Variants in SLC17A3 observed in about 807,000 individuals in gnomAD.
SLC17A3 encodes the protein solute carrier family 17 member 3, also known as sodium-dependent phosphate transport protein 4.
SLC17A3 carries 61 observed loss-of-function variants against 60.3 expected under a neutral mutation model. The ratio of observed to expected loss-of-function variants is 1.01; its 90% confidence interval spans 0.82 to 1.25. The LOEUF is 1.25. Among genes scored for constraint, SLC17A3 ranks in the 50% most tolerant of loss-of-function variants. The pLI is 0.00. For synonymous variants in SLC17A3, 192 were observed against 208.9 expected (o/e 0.92, Z 0.70); for missense variants, 624 against 594.9 (o/e 1.05, Z -0.51).
intron 2 of SLC17A3, among the ~76,000 whole-genome samples, chr6:25,863,005 A>T (rs1765477337): frequency 6.6e-6 from 1 of 151,946 alleles, no homozygotes. Context: ...CACTTTGAAG[A>T]GAGTTGTCCA....
In SLC17A3 at chr6:25,862,454, T is replaced by A; in HGVS notation, c.92-10A>T. 1 of 1,601,648 alleles carries A rather than the reference T, an allele frequency of 6.2e-7. No individual in the cohort carries two copies. Among genetic ancestry groups the A allele is most frequent in the Non-Finnish European group, 8.6e-7 (1 of 1,168,702 alleles). ...GAACATAAACTTGGAACTGGAAATA[T>A]TATGACATCATATTAGTGTTTTTTA... On this transcript the variant is annotated splice_polypyrimidine_tract_variant and intron_variant, in intron 2 of 12. Transcript: ENST00000397060.
chr6:25,864,785 G>T (rs1765509057), intron 2 of SLC17A3, among the ~76,000 whole-genome samples: 1 of 151,968 alleles, frequency 6.6e-6, no homozygotes, highest in South Asian at 2.1e-4. Flanking sequence ...GCATAACATT[G>T]GGAGTTAATA....
intron 6 of SLC17A3, among the ~76,000 whole-genome samples, chr6:25,853,097 C>T (rs2151520659): frequency 6.6e-6 from 1 of 152,238 alleles, no homozygotes; most frequent in East Asian, 1.9e-4. Flanking sequence ...CATCCAGTGA[C>T]CCATGAATTA....
chr6:25,849,324 G>T, intron 11 of SLC17A3, 50 bp downstream of exon 11: 1 of 1,041,146 alleles, frequency 9.6e-7, no homozygotes, highest in Non-Finnish European at 1.5e-6. Context: ...ACCTTTATAA[G>T]TGGATTTAGC....
chr6:25,856,815 C>T (rs1000897723), intron 5 of SLC17A3, among the ~76,000 whole-genome samples: 5 of 149,514 alleles, frequency 3.3e-5, no homozygotes, highest in African/African-American at 1.2e-4. Context: ...CCACTGCACT[C>T]CAGCCTGGGC....
intron 6 of SLC17A3, 74 bp downstream of exon 6, chr6:25,855,070 T>A (rs1305424730): frequency 1.0e-6 from 1 of 976,342 alleles, no homozygotes. Context: ...TTTGGAAAAC[T>A]ATACACAAAA....
intron 2 of SLC17A3, among the ~76,000 whole-genome samples, chr6:25,865,822 T>C (rs1765524828): frequency 6.6e-6 from 1 of 151,990 alleles, no homozygotes; most frequent in Non-Finnish European, 1.5e-5. Context: ...CCCCTAGCTA[T>C]ACAAGAATGT....
intron 5 of SLC17A3, among the ~76,000 whole-genome samples, chr6:25,860,217 T>C (rs1011506340): frequency 9.2e-5 from 14 of 152,194 alleles, no homozygotes; most frequent in Non-Finnish European, 1.5e-4. Context: ...TTTGGTCTGC[T>C]CAGTCCCTTA....
chr6:25,855,197 A>C lies in SLC17A3; in HGVS notation c.659T>G (p.Ile220Arg). Reference protein sequence around the residue: ...MLLGCFTAILIGGFISETLGW... With the variant: ...MLLGCFTAILRGGFISETLGW... ...AAGGGTTTCACTAATGAAGCCACCT[A>C]TGAGGATGGCAGTAAAGCATCCCAG... Residue 220 changes from isoleucine (I) to arginine (R), a missense_variant, in exon 6 of 13, where the codon ATA becomes AGA. By Grantham distance (97) the Ile-to-Arg change is moderately conservative. Coordinates refer to ENST00000397060, the MANE Select transcript of SLC17A3 (RefSeq NM_001098486.2). The C allele has an allele frequency of 6.2e-7, 1 of 1,613,734 alleles. No homozygotes were observed. Among genetic ancestry groups the C allele is most frequent in the South Asian group, 1.1e-5 (1 of 91,002 alleles).
intron 3 of SLC17A3, 55 bp downstream of exon 3, chr6:25,862,178 C>G (rs1199983789): frequency 6.6e-7 from 1 of 1,507,490 alleles, no homozygotes; most frequent in Non-Finnish European, 9.2e-7. Flanking sequence ...AAATAAATAT[C>G]CAAGCAAATA....
At chr6:25,870,618 T>A (rs1305948617) in intron 1 of SLC17A3, among the ~76,000 whole-genome samples, 1 of 151,954 alleles carries the variant, frequency 6.6e-6, no homozygotes, top group Non-Finnish European at 1.5e-5. Flanking sequence ...GCCTCTGCAT[T>A]CTTGAACTTG....
chr6:25,861,988 G>C lies in SLC17A3; in HGVS notation c.345C>G (p.Ile115Met), dbSNP rs750378719. Reference sequence around the variant, plus strand: ...TGCCACCATAGCCAACAGCACCAAAGATGATGCCTTGGATTTGAGGAGACC... The same window carrying C: ...TGCCACCATAGCCAACAGCACCAAACATGATGCCTTGGATTTGAGGAGACC... ...YDWSPQIQGI[I>M]FGAVGYGGIL... Residue 115 changes from isoleucine to methionine, a missense_variant, in exon 4 of 13, where the codon ATC becomes ATG. Coordinates refer to ENST00000397060, the MANE Select transcript of SLC17A3 (RefSeq NM_001098486.2). The C allele has an allele frequency of 1.9e-6, 3 of 1,611,146 alleles. No individual in the cohort carries two copies. In the Admixed American group the frequency reaches 5.0e-5, roughly 27 times the overall value.
At chr6:25,873,412 G>T (rs966256580) in intron 1 of SLC17A3, among the ~76,000 whole-genome samples, 5 of 152,106 alleles carry the variant, frequency 3.3e-5, no homozygotes, top group African/African-American at 1.2e-4. Flanking sequence ...AGTAGAGATG[G>T]TTAGTTTAAA....
chr6:25,856,093 T>C (rs1765352213), intron 5 of SLC17A3, among the ~76,000 whole-genome samples: 1 of 152,238 alleles, frequency 6.6e-6, no homozygotes, highest in Non-Finnish European at 1.5e-5. Context: ...GCTACGTGCA[T>C]TTTAAATTTT....
chr6:25,868,623 G>GC, intron 1 of SLC17A3: 1 of 504,492 alleles, frequency 2.0e-6, no homozygotes, highest in Non-Finnish European at 3.6e-6. Flanking sequence ...AGGATCTAGA[G>GC]TGCTCTTGGT....
At chr6:25,854,533 A>G (rs1164989846) in intron 6 of SLC17A3, among the ~76,000 whole-genome samples, 1 of 152,216 alleles carries the variant, frequency 6.6e-6, no homozygotes, top group East Asian at 1.9e-4. Flanking sequence ...CTCACTGTCC[A>G]GAAGGGGAGT....
At chr6:25,866,306 C>G (rs959668822) in intron 2 of SLC17A3, among the ~76,000 whole-genome samples, 1 of 151,974 alleles carries the variant, frequency 6.6e-6, no homozygotes, top group African/African-American at 2.4e-5. Flanking sequence ...GGCCTTCAGC[C>G]AAAATCTAGC....
At chr6:25,865,342 C>A (rs1312519204) in intron 2 of SLC17A3, among the ~76,000 whole-genome samples, 1 of 151,968 alleles carries the variant, frequency 6.6e-6, no homozygotes, top group Non-Finnish European at 1.5e-5. Flanking sequence ...CCCCTTATGG[C>A]TATGCTATCT....
chr6:25,845,873 C>T (rs1765166515), intron 11 of SLC17A3, among the ~76,000 whole-genome samples: 1 of 152,134 alleles, frequency 6.6e-6, no homozygotes, highest in Admixed American at 6.5e-5. Flanking sequence ...TTGAGCTATA[C>T]ATGTTTAAGT....
Sources: gnomAD v4.1 joint callset for allele counts (sites outside exome capture counted in the v4.1 genomes callset) on GRCh38, gnomAD v4.1.1 for gene constraint, MANE v1.5 for transcripts, NCBI Gene and HGNC (gene_info 2026-07-23, HGNC 2026-07-21) for gene names.